Variants in LRRC53 observed in about 807,000 individuals in gnomAD.
LRRC53 encodes leucine-rich repeat-containing protein 53.
In LRRC53, 25 loss-of-function variants were observed where a neutral mutation model predicts 13.6. The ratio of observed to expected loss-of-function variants is 1.83; its 90% CI spans 1.34 to 2.56. The LOEUF (loss-of-function observed/expected upper bound fraction) is 2.56. Among genes scored for constraint, LRRC53 ranks in the 30% most tolerant of loss-of-function variants. The pLI, the probability that LRRC53 is intolerant of heterozygous loss-of-function variation, is 0.00. For missense variants in LRRC53, 527 were observed against 275.8 expected, an observed-to-expected ratio of 1.91 and a Z score of -6.45; for synonymous variants, 204 against 109.8, an observed-to-expected ratio of 1.86 and a Z score of -5.37.
chr1:74,508,100 G>C (rs1669998221), intron 1 of LRRC53, among the ~76,000 whole-genome samples: 1 of 152,248 alleles, frequency 6.6e-6, no homozygotes, highest in South Asian at 2.1e-4. Flanking sequence ...GCATTACTAA[G>C]AAAAAGGAGA....
rs755244407 is a variant in LRRC53 at position 74,475,447 on chromosome 1, G to A, written c.1268C>T (p.Ser423Leu). 12 of 716,926 alleles carry A rather than the reference G, an allele frequency of 1.7e-5. No homozygotes were observed. Among genetic ancestry groups the A allele is most frequent in the Middle Eastern group, 2.3e-4 (1 of 4,392 alleles). 44.4% of individuals were successfully genotyped at this position (716,926 alleles called of 1,614,324 possible). Residue 423 changes from serine (S) to leucine (L), a missense_variant, in exon 4 of 5, where the codon TCG becomes TTG. Physicochemically the swap from Ser to Leu is moderately radical, Grantham distance 145. Transcript: ENST00000294635. ...ATTTCCAGGAGGCTCTGAACATTCC[G>A]AATGCAGCAATCTACCATCCTGGCA... ...LFCQDGRLLH[S>L]ECSEPPGNMR...
upstream of LRRC53, among the ~76,000 whole-genome samples, chr1:74,513,264 T>C (rs1190398578): frequency 6.6e-6 from 1 of 152,164 alleles, no homozygotes; most frequent in Non-Finnish European, 1.5e-5. Flanking sequence ...TGAGAAATTA[T>C]ACCGGGATGT....
chr1:74,487,912 G>C (rs1381124420), intron 1 of LRRC53, among the ~76,000 whole-genome samples: 2 of 152,134 alleles, frequency 1.3e-5, no homozygotes, highest in African/African-American at 4.8e-5. Context: ...GATAAAGATT[G>C]AGAGGTTAAA....
the LRRC53 span, among the ~76,000 whole-genome samples, chr1:74,526,808 T>C: frequency 6.6e-6 from 1 of 152,120 alleles, no homozygotes; most frequent in Non-Finnish European, 1.5e-5. Flanking sequence ...ATAGGACTTA[T>C]CTGACACTCT....
intron 1 of LRRC53, among the ~76,000 whole-genome samples, chr1:74,511,445 T>G (rs1670218090): frequency 6.6e-6 from 1 of 152,192 alleles, no homozygotes. Flanking sequence ...TAATTCACTC[T>G]TATTTTCTTT....
intron 1 of LRRC53, among the ~76,000 whole-genome samples, chr1:74,506,891 G>A (rs1164686003): frequency 6.6e-6 from 1 of 152,022 alleles, no homozygotes; most frequent in Non-Finnish European, 1.5e-5. Context: ...TCTCGGAAAA[G>A]ATTTATCTAT....
intron 1 of LRRC53, among the ~76,000 whole-genome samples, chr1:74,510,447 G>T (rs1485758468): frequency 6.6e-6 from 1 of 152,116 alleles, no homozygotes; most frequent in Non-Finnish European, 1.5e-5. Context: ...GGTGGAGCTT[G>T]CAGAGAGCCG....
chr1:74,528,839 T>C, the LRRC53 span, among the ~76,000 whole-genome samples: 1 of 152,142 alleles, frequency 6.6e-6, no homozygotes, highest in African/African-American at 2.4e-5. Flanking sequence ...AATACTATTA[T>C]TTACCAAAAG....
At chr1:74,532,018 G>A in the LRRC53 span, among the ~76,000 whole-genome samples, 1 of 152,200 alleles carries the variant, frequency 6.6e-6, no homozygotes, top group Non-Finnish European at 1.5e-5. Context: ...AATTTGAATG[G>A]AAGAAAATGT....
rs1436846080 is a variant in LRRC53 at position 74,475,633 on chromosome 1, T to C, written c.1082A>G (p.Glu361Gly). ...AGTGGACATGACCTTTATCTCGTTT[T>C]CCTGAGTTAAGTGGCAGTTGCAGTA... ...KGYCNCHLTQENEIKVMSTVG... is the reference protein window; with the variant it reads ...KGYCNCHLTQGNEIKVMSTVG... The change falls in exon 4 of 5, where the codon GAA (glutamate) becomes GGA (glycine). Residue 361 changes from glutamate to glycine, a missense_variant. By Grantham distance (98) the Glu-to-Gly change is moderately conservative. Transcript: ENST00000294635. The C allele has an allele frequency of 8.4e-6, 6 of 717,102 alleles. No homozygotes were observed. The highest frequency in any genetic ancestry group is 2.3e-4 in the Middle Eastern group (1 of 4,392). The allele number at this position is 717,102 out of a possible 1,614,324, so 44.4% of individuals were successfully genotyped here.
intron 1 of LRRC53, among the ~76,000 whole-genome samples, chr1:74,505,679 A>T (rs568256718): frequency 6.6e-6 from 1 of 152,306 alleles, no homozygotes; most frequent in South Asian, 2.1e-4. Flanking sequence ...TTGTAAAAAA[A>T]CACATTAAAC....
intron 1 of LRRC53, among the ~76,000 whole-genome samples, chr1:74,501,279 C>G (rs1430348518): frequency 6.6e-6 from 1 of 152,098 alleles, no homozygotes; most frequent in African/African-American, 2.4e-5. Context: ...CATTGCATTT[C>G]TAATTCAATT....
At chr1:74,526,041 C>A in the LRRC53 span, among the ~76,000 whole-genome samples, 15 of 152,252 alleles carry the variant, frequency 9.9e-5, no homozygotes, top group African/African-American at 3.6e-4. Context: ...GGTATACATT[C>A]GCTTAAAACA....
At chr1:74,512,688 T>C (rs1026130362), upstream of LRRC53, 1 of 152,294 alleles carries the variant, frequency 6.6e-6, no homozygotes, top group Admixed American at 6.5e-5. Flanking sequence ...CATCCTTTAG[T>C]GCCTGGAATA....
intron 1 of LRRC53, chr1:74,489,117 C>T: frequency 7.7e-7 from 1 of 1,295,176 alleles, no homozygotes; most frequent in Non-Finnish European, 1.1e-6. Flanking sequence ...TGCTAATACC[C>T]AATTTTAACA....
At chr1:74,522,010 G>C in the LRRC53 span, among the ~76,000 whole-genome samples, 5 of 152,084 alleles carry the variant, frequency 3.3e-5, no homozygotes, top group Non-Finnish European at 7.4e-5. Flanking sequence ...TCAGATGAGG[G>C]AGATATATCA....
chr1:74,502,664 G>C (rs1186346936), intron 1 of LRRC53, among the ~76,000 whole-genome samples: 1 of 152,156 alleles, frequency 6.6e-6, no homozygotes, highest in Admixed American at 6.5e-5. Flanking sequence ...ACTTCCCTCT[G>C]TCTATGGCCA....
chr1:74,481,086 TAAAC>T (rs1420958184), intron 2 of LRRC53, 118 bp from the exon 3 acceptor site: 2 of 583,112 alleles, frequency 3.4e-6, no homozygotes, highest in Admixed American at 3.2e-5. Context: ...GTAAAAACAA[TAAAC>T]AATACAAAAA....
chr1:74,487,772 G>C (rs924032293), intron 1 of LRRC53, among the ~76,000 whole-genome samples: 3 of 152,134 alleles, frequency 2.0e-5, no homozygotes, highest in Non-Finnish European at 4.4e-5. Flanking sequence ...GTAATAAAAA[G>C]CTCTTGTTTT....
Sources: gnomAD v4.1 joint callset for allele counts (sites outside exome capture counted in the v4.1 genomes callset) on GRCh38, gnomAD v4.1.1 for gene constraint, MANE v1.5 for transcripts, NCBI Gene and HGNC (gene_info 2026-07-23, HGNC 2026-07-21) for gene names.